Variants in ALDH3A1 observed in about 807,000 individuals in gnomAD.
ALDH3A1 encodes aldehyde dehydrogenase, dimeric NADP-preferring.
A neutral mutation model predicts 49.9 loss-of-function variants in ALDH3A1; 46 were observed. That is an observed-to-expected ratio of 0.92 (90% confidence interval 0.73 to 1.18). ALDH3A1 has a LOEUF of 1.18. ALDH3A1 is among the 50% of genes most tolerant of loss of function. ALDH3A1 has a pLI of 0.00. For synonymous variants in ALDH3A1, 269 were observed against 253.3 expected, an observed-to-expected ratio of 1.06 and a Z score of -0.59; for missense variants, 592 against 611.8, an observed-to-expected ratio of 0.97 and a Z score of 0.34.
chr17:19,741,400 C>T (rs555835233), intron 5 of ALDH3A1, 190 bp from the exon 6 acceptor site: 40 of 534,614 alleles, frequency 7.5e-5, no homozygotes, highest in Non-Finnish European at 1.1e-4. Context: ...TCATGTTCAC[C>T]GGCGACTGGT....
Position 19,742,570 on chromosome 17 carries a change from G to A in ALDH3A1, c.455C>T (p.Thr152Ile), listed in dbSNP as rs1358970472. The A allele has an allele frequency of 6.2e-7, 1 of 1,613,878 alleles. No individual in the cohort carries two copies. Among genetic ancestry groups the A allele is most frequent in the East Asian group, 2.2e-5 (1 of 44,868 alleles). The change falls in exon 4 of 11, where the codon ACC becomes ATC. Residue 152 changes from threonine (T) to isoleucine (I), a missense_variant. Thr to Ile is a moderately conservative substitution (Grantham distance 89). Transcript: ENST00000225740. Reference sequence around the variant, plus strand: ...CTTGTCCAGGTACTGGGGGATGATGGTAGCCAGCAGGCTCGCCATGTTCTC... The same window carrying A: ...CTTGTCCAGGTACTGGGGGATGATGATAGCCAGCAGGCTCGCCATGTTCTC... ...LSENMASLLA[T>I]IIPQYLDKDL...
At chr17:19,739,432 C>CG (rs2086448456) in intron 8 of ALDH3A1, 76 bp downstream of exon 8, 2 of 1,500,158 alleles carry the variant, frequency 1.3e-6, no homozygotes, top group African/African-American at 2.8e-5. Flanking sequence ...AGCCAGAGAA[C>CG]AGTGAAGCTG....
At chr17:19,740,950 G>A (rs2086480164) in intron 6 of ALDH3A1, 143 bp downstream of exon 6, 1 of 654,220 alleles carries the variant, frequency 1.5e-6, no homozygotes, top group Admixed American at 2.7e-5. Flanking sequence ...ACCGGTGTGA[G>A]CCACCATGCC....
chr17:19,742,483 A>G, intron 4 of ALDH3A1, 62 bp downstream of exon 4: 1 of 1,547,906 alleles, frequency 6.5e-7, no homozygotes, highest in Non-Finnish European at 8.8e-7. Context: ...TCACCCCCCA[A>G]AGACCTGGCC....
chr17:19,747,167 T>G (rs2086612003), intron 1 of ALDH3A1, among the ~76,000 whole-genome samples: 1 of 152,188 alleles, frequency 6.6e-6, no homozygotes, highest in Non-Finnish European at 1.5e-5. Flanking sequence ...TTATATTGTA[T>G]ATAGATATAT....
chr17:19,744,894 CT>C, intron 2 of ALDH3A1, 73 bp downstream of exon 2: 1 of 1,050,888 alleles, frequency 9.5e-7, no homozygotes. Flanking sequence ...GGGTCGCACT[CT>C]CCCCAGCCCC....
In ALDH3A1 at chr17:19,743,698, G is replaced by A. The variant is rs1409644795; in HGVS notation, c.163-235C>T. 7 of 985,216 alleles carry A rather than the reference G, an allele frequency of 7.1e-6. No homozygotes were observed. Among genetic ancestry groups the A allele is most frequent in the Non-Finnish European group, 8.4e-6 (7 of 829,910 alleles). The allele number at this position is 985,216 out of a possible 1,614,324, so 61.0% of individuals were successfully genotyped here. A position where few individuals can be genotyped will look rare whatever the true frequency, so the allele number is the denominator to read the frequency against. ...GGCCCAGGTAGGTTTGCGGCCCCAG[G>A]GGAGAGAGCCGGTGAAGGGACCAGG... On this transcript the variant is annotated intron_variant, in intron 2 of 10. Transcript: ENST00000225740. The surrounding 1 kb of genome is among the most constrained non-coding windows in gnomAD (Gnocchi z 4.4).
In ALDH3A1 at chr17:19,737,998, A is replaced by C; in HGVS notation, c.*223T>G. ...ATATGCCTGCATTTGCTGAGTTAGA[A>C]AATTGTATTCGTCTCTTTATTGGTC... On this transcript the variant is annotated 3_prime_UTR_variant, in exon 11 of 11. Coordinates refer to ENST00000225740, the MANE Select transcript of ALDH3A1 (RefSeq NM_000691.5). 1 of 1,473,028 alleles carries C rather than the reference A, an allele frequency of 6.8e-7. No homozygotes were observed. The highest frequency in any genetic ancestry group is 1.3e-5 in the South Asian group (1 of 75,746). The allele number at this position is 1,473,028 out of a possible 1,614,324, so 91.2% of individuals were successfully genotyped here.
At position 19,743,670 on chromosome 17, in the gene ALDH3A1, G is replaced by A. The variant is rs2086545268; in HGVS notation, c.163-207C>T. 2.0e-6 allele frequency: 2 copies of A among 985,248 alleles called. No homozygotes were observed. The highest frequency in any genetic ancestry group is 4.7e-5 in the South Asian group (1 of 21,286). 61.0% of individuals were successfully genotyped at this position (985,248 alleles called of 1,614,324 possible). On this transcript the variant is annotated intron_variant, in intron 2 of 10. Coordinates refer to ENST00000225740, the MANE Select transcript of ALDH3A1 (RefSeq NM_000691.5). This position sits in a 1 kb window ranked among gnomAD's most constrained non-coding sequence, Gnocchi z 4.4. ...CTGAGAGGACCCCTTTCTGCCAGAG[G>A]GGGGCCCAGGTAGGTTTGCGGCCCC... is the stretch of plus-strand genomic sequence containing the variant.
chr17:19,740,078 G>A (rs2086462378), intron 7 of ALDH3A1: 1 of 506,146 alleles, frequency 2.0e-6, no homozygotes, highest in Non-Finnish European at 3.4e-6. Context: ...TGCTGTCCCT[G>A]CTCCTGCTGC....
chr17:19,740,842 AT>A (rs1017913178), intron 6 of ALDH3A1, among the ~76,000 whole-genome samples: 6 of 152,012 alleles, frequency 3.9e-5, no homozygotes, highest in Non-Finnish European at 5.9e-5. Flanking sequence ...TTAAAAACAT[AT>A]TTTGTAAAGA....
Position 19,743,022 on chromosome 17 carries a change from T to G in ALDH3A1, c.394+210A>C. 6.5e-7 allele frequency: 1 copy of G among 1,531,930 alleles called. No individual in the cohort carries two copies. Among genetic ancestry groups the G allele is most frequent in the Non-Finnish European group, 8.7e-7 (1 of 1,144,978 alleles). 94.9% of individuals were successfully genotyped at this position (1,531,930 alleles called of 1,614,324 possible). A position where few individuals can be genotyped will look rare whatever the true frequency, so the allele number is the denominator to read the frequency against. Reference sequence around the variant, plus strand: ...GGGGTGGGGGAAGGCAGGCCCTCTCTGTATCACCAGGTGTGGACACCTGAG... The same window carrying G: ...GGGGTGGGGGAAGGCAGGCCCTCTCGGTATCACCAGGTGTGGACACCTGAG... On this transcript the variant is annotated intron_variant, in intron 3 of 10. Transcript: ENST00000225740. The surrounding 1 kb of genome is among the most constrained non-coding windows in gnomAD (Gnocchi z 4.4).
chr17:19,746,696 CGTGCGTGTGTGT>C (rs1368249104), intron 1 of ALDH3A1, among the ~76,000 whole-genome samples: 2 of 139,322 alleles, frequency 1.4e-5, no homozygotes, highest in Non-Finnish European at 3.1e-5. Flanking sequence ...TGTGTGTGTG[CGTGCGTGTGTGT>C]GCATGTGCGT....
chr17:19,744,900 A>ACCCCCCCCCCCCCC, intron 2 of ALDH3A1, 68 bp downstream of exon 2: 3 of 270,614 alleles, frequency 1.1e-5, no homozygotes, highest in Non-Finnish European at 1.6e-5. Flanking sequence ...CACTCTCCCC[A>ACCCCCCCCCCCCCC]GCCCCTCCCC....
chr17:19,738,920 C>A, intron 9 of ALDH3A1, 76 bp downstream of exon 9: 1 of 1,335,872 alleles, frequency 7.5e-7, no homozygotes, highest in Admixed American at 1.9e-5. Context: ...AGGAGGTGGT[C>A]CCTCCTGAAT....
rs550569625 is a variant in ALDH3A1, at chr17:19,738,314, C to T, written c.1347+9G>A. ...CCCGGTCTCCCCCACAGCGCCTTCC[C>T]CCTCTCACCTTGGCCGGGCTCGGGG... On this transcript the variant is annotated intron_variant, in intron 10 of 10. Transcript: ENST00000225740. 1.2e-6 allele frequency: 2 copies of T among 1,613,484 alleles called. No individual in the cohort carries two copies. Among genetic ancestry groups the T allele is most frequent in the African/African-American group, 1.3e-5 (1 of 75,050 alleles).
At chr17:19,744,917 C>CCCCCCCCCCCCT in intron 2 of ALDH3A1, 51 bp downstream of exon 2, 1 of 1,360,562 alleles carries the variant, frequency 7.3e-7, no homozygotes, top group Non-Finnish European at 9.6e-7. Flanking sequence ...CCCCCCACGC[C>CCCCCCCCCCCCT]CCATCGCATG....
intron 9 of ALDH3A1, 61 bp from the exon 10 acceptor site, chr17:19,738,514 C>A: frequency 6.3e-7 from 1 of 1,583,320 alleles, no homozygotes; most frequent in Non-Finnish European, 8.6e-7. Context: ...CCAGGTTTCC[C>A]TCTCCACCTT....
chr17:19,748,286 G>A lies in ALDH3A1; in HGVS notation c.-33C>T, dbSNP rs2086623975. 3 of 514,362 alleles carry A rather than the reference G, an allele frequency of 5.8e-6. No homozygotes were observed. Among genetic ancestry groups the A allele is most frequent in the Non-Finnish European group, 1.2e-5 (3 of 257,310 alleles). 31.9% of individuals were successfully genotyped at this position (514,362 alleles called of 1,614,324 possible). On this transcript the variant is annotated 5_prime_UTR_variant, in exon 1 of 11. Coordinates refer to ENST00000225740, the MANE Select transcript of ALDH3A1 (RefSeq NM_000691.5). This position sits in a 1 kb window ranked among gnomAD's most constrained non-coding sequence, Gnocchi z 4.4. Reference sequence around the variant, plus strand: ...TTGACACAGCCTCTCCCGGTAACTGGGGCTCCTGGAACGGCAAGAGCCAAG... The same window carrying A: ...TTGACACAGCCTCTCCCGGTAACTGAGGCTCCTGGAACGGCAAGAGCCAAG...
Sources: allele counts gnomAD v4.1 joint callset (sites outside exome capture counted in the v4.1 genomes callset), GRCh38; gene constraint gnomAD v4.1.1; non-coding constraint Gnocchi (gnomAD v3.1); transcripts MANE v1.5; gene names NCBI Gene and HGNC (gene_info 2026-07-23, HGNC 2026-07-21).